Variants in PTPRD observed in about 807,000 individuals in gnomAD.
PTPRD encodes the protein receptor-type tyrosine-protein phosphatase delta.
In PTPRD, 34 loss-of-function variants were observed where a neutral mutation model predicts 214.5. The ratio of observed to expected loss-of-function variants is 0.16; its 90% CI spans 0.12 to 0.21. The LOEUF is 0.21. PTPRD is among the 10% of genes least tolerant of loss of function. The pLI is 1.00. For missense variants in PTPRD, 2,545 were observed against 2,398.7 expected, an observed-to-expected ratio of 1.06 and a Z score of -1.27; for synonymous variants, 1,128 against 845.7, an observed-to-expected ratio of 1.33 and a Z score of -5.79.
intron 3 of PTPRD, among the ~76,000 whole-genome samples, chr9:10,317,341 T>G (rs2154424533): frequency 6.6e-6 from 1 of 152,100 alleles, no homozygotes; most frequent in East Asian, 1.9e-4. Context: ...CCATGCAGAT[T>G]ATGTTACTAA....
intron 8 of PTPRD, among the ~76,000 whole-genome samples, chr9:9,501,325 A>T (rs1252545729): frequency 3.3e-5 from 5 of 152,042 alleles, no homozygotes; most frequent in Non-Finnish European, 5.9e-5. Flanking sequence ...TCATGCAAAT[A>T]GTAAGCAGAG....
chr9:10,327,160 T>TAC (rs1305653647), intron 3 of PTPRD, among the ~76,000 whole-genome samples: 3 of 92,750 alleles, frequency 3.2e-5, no homozygotes, highest in South Asian at 4.2e-4. Context: ...TTTGTGCACA[T>TAC]ATATGTGTGT....
chr9:10,179,693 A>G (rs1209607473), intron 3 of PTPRD, among the ~76,000 whole-genome samples: 1 of 152,110 alleles, frequency 6.6e-6, no homozygotes, highest in African/African-American at 2.4e-5. Flanking sequence ...TCACTAAAAC[A>G]CAATAAGGTA....
rs1293099702 is a variant in PTPRD, at chr9:9,346,745, T to C, written c.-203+50704A>G. Among the ~76,000 whole-genome samples the C allele has an allele frequency of 2.0e-5, 3 of 152,098 alleles. No homozygotes were observed. In the East Asian group the frequency reaches 5.8e-4, roughly 29 times the overall value. ...TTTGCTCTTGTTGCCCAGGCTGGAG[T>C]GCAATGGCTCTATCTCAGCTCACTG... is the stretch of plus-strand genomic sequence containing the variant. On this transcript the variant is annotated intron_variant, in intron 9 of 45. Coordinates refer to ENST00000381196, the MANE Select transcript of PTPRD (RefSeq NM_002839.4).
At chr9:9,358,816 C>T (rs1261154647) in intron 9 of PTPRD, among the ~76,000 whole-genome samples, 1 of 151,278 alleles carries the variant, frequency 6.6e-6, no homozygotes, top group Non-Finnish European at 1.5e-5. Flanking sequence ...CATTAAGCTG[C>T]TTGTTTCTTA....
At chr9:10,541,967 T>G in intron 2 of PTPRD, among the ~76,000 whole-genome samples, 1 of 152,156 alleles carries the variant, frequency 6.6e-6, no homozygotes, top group East Asian at 1.9e-4. Flanking sequence ...ATTATGTTGT[T>G]AAGGTATTTG....
chr9:9,078,774 G>C (rs918216322), intron 10 of PTPRD, among the ~76,000 whole-genome samples: 1 of 152,080 alleles, frequency 6.6e-6, no homozygotes, highest in Non-Finnish European at 1.5e-5. Flanking sequence ...CTGGAGCTGG[G>C]ATGGCCCTTC....
chr9:9,915,739 G>A (rs2080561150), intron 5 of PTPRD, among the ~76,000 whole-genome samples: 1 of 151,826 alleles, frequency 6.6e-6, no homozygotes, highest in African/African-American at 2.4e-5. Flanking sequence ...ATTTATGGGA[G>A]ATCATTAAGT....
chr9:9,382,913 C>A (rs2062764679), intron 9 of PTPRD, among the ~76,000 whole-genome samples: 1 of 151,862 alleles, frequency 6.6e-6, no homozygotes, highest in Non-Finnish European at 1.5e-5. Context: ...TAAATGCCCA[C>A]CAATAGATAA....
intron 8 of PTPRD, among the ~76,000 whole-genome samples, chr9:9,557,685 A>T (rs1026200500): frequency 7.9e-5 from 12 of 152,174 alleles, no homozygotes; most frequent in Non-Finnish European, 1.5e-5. Flanking sequence ...CTTAACCAAA[A>T]CATTCCTTTC....
chr9:9,077,155 T>C (rs1377955338), intron 10 of PTPRD, among the ~76,000 whole-genome samples: 1 of 4,586 alleles, frequency 2.2e-4, no homozygotes, highest in South Asian at 8.8e-3. Flanking sequence ...AGATTATTAG[T>C]TTTTTTTTTT....
intron 2 of PTPRD, among the ~76,000 whole-genome samples, chr9:10,345,465 C>T (rs1468235874): frequency 1.3e-5 from 2 of 149,968 alleles, no homozygotes; most frequent in Admixed American, 6.7e-5. Flanking sequence ...TCTCCACCTG[C>T]CCATTTGTTC....
intron 2 of PTPRD, among the ~76,000 whole-genome samples, chr9:10,557,710 A>T (rs1021835931): frequency 6.6e-5 from 10 of 152,134 alleles, no homozygotes; most frequent in African/African-American, 2.4e-4. Flanking sequence ...CTGCAGCAAC[A>T]TATGGAATTA....
intron 12 of PTPRD, among the ~76,000 whole-genome samples, chr9:8,661,910 G>A (rs1279545792): frequency 6.6e-6 from 1 of 152,038 alleles, no homozygotes; most frequent in African/African-American, 2.4e-5. Context: ...TCTACAACAC[G>A]GATCTATTTA....
chr9:10,027,036 A>T (rs921770042), intron 4 of PTPRD, among the ~76,000 whole-genome samples: 1 of 152,148 alleles, frequency 6.6e-6, no homozygotes, highest in Admixed American at 6.5e-5. Flanking sequence ...TTCTCTAGAG[A>T]CTTGGCCTTG....
chr9:9,535,921 A>G (rs1020428467), intron 8 of PTPRD, among the ~76,000 whole-genome samples: 8 of 152,056 alleles, frequency 5.3e-5, no homozygotes, highest in African/African-American at 1.9e-4. Context: ...CTTTTGCTAT[A>G]AGATTCGCTA....
At chr9:8,795,039 T>G (rs1280007540) in intron 11 of PTPRD, among the ~76,000 whole-genome samples, 1 of 152,174 alleles carries the variant, frequency 6.6e-6, no homozygotes, top group Non-Finnish European at 1.5e-5. Flanking sequence ...ATAACATCTC[T>G]TAGCCTCAAA....
chr9:9,493,187 A>C (rs2095999357), intron 8 of PTPRD, among the ~76,000 whole-genome samples: 1 of 151,984 alleles, frequency 6.6e-6, no homozygotes, highest in Non-Finnish European at 1.5e-5. Context: ...TGAAAATCCT[A>C]AGGCCCTTAA....
chr9:9,907,297 C>G lies in PTPRD; in HGVS notation c.-368+31210G>C, dbSNP rs535677655. Among the ~76,000 whole-genome samples, 7 of 151,988 alleles carry G rather than the reference C, an allele frequency of 4.6e-5. No individual in the cohort carries two copies. In the East Asian group the frequency reaches 5.8e-4, roughly 13 times the overall value. ...TATAAGCATCATTGCACAAAACATC[C>G]TATTATTATTATATTAGTCTGCTAG... On this transcript the variant is annotated intron_variant, in intron 5 of 45. Coordinates refer to ENST00000381196, the MANE Select transcript of PTPRD (RefSeq NM_002839.4).
Sources: allele counts gnomAD v4.1 joint callset (sites outside exome capture counted in the v4.1 genomes callset), GRCh38; gene constraint gnomAD v4.1.1; transcripts MANE v1.5; gene names NCBI Gene and HGNC (gene_info 2026-07-23, HGNC 2026-07-21).